The following ZFPM2 variants were observed in gnomAD, a reference collection of about 807,000 sequenced individuals.
ZFPM2 encodes the protein zinc finger protein ZFPM2.
A neutral mutation model predicts 98.6 loss-of-function variants in ZFPM2; 20 were observed. The observed-to-expected ratio is 0.20, with a 90% CI of 0.14 to 0.29. The LOEUF (loss-of-function observed/expected upper bound fraction) is 0.29. Among genes scored for constraint, ZFPM2 ranks in the 10% least tolerant of loss-of-function variants. The probability of loss-of-function intolerance (pLI) is 1.00; values close to 1 mark genes in which losing one functional copy is unlikely to be tolerated. For missense variants in ZFPM2, 1,310 were observed against 1,388.6 expected (o/e 0.94, Z 0.90); for synonymous variants, 518 against 502.7 (o/e 1.03, Z -0.41).
chr8:105,697,514 A>AGT (rs1563526154), intron 5 of ZFPM2, among the ~76,000 whole-genome samples: 1 of 152,192 alleles, frequency 6.6e-6, no homozygotes, highest in South Asian at 2.1e-4. Context: ...AGCATCAAGA[A>AGT]GTGTAGTAAT....
intron 3 of ZFPM2, among the ~76,000 whole-genome samples, chr8:105,488,026 G>A (rs1008937386): frequency 1.3e-5 from 2 of 151,650 alleles, no homozygotes; most frequent in African/African-American, 4.8e-5. Context: ...AGCATCCCAT[G>A]TACCTCTGCC....
intron 5 of ZFPM2, among the ~76,000 whole-genome samples, chr8:105,694,133 C>T (rs1385433608): frequency 6.6e-6 from 1 of 151,352 alleles, no homozygotes; most frequent in Non-Finnish European, 1.5e-5. Flanking sequence ...ACTACAGGCG[C>T]CTGTCACTAC....
intron 5 of ZFPM2, among the ~76,000 whole-genome samples, chr8:105,780,736 A>C (rs1813224744): frequency 6.6e-6 from 1 of 152,174 alleles, no homozygotes; most frequent in African/African-American, 2.4e-5. Context: ...ACAAAAAATT[A>C]GCCAGGTGTG....
chr8:105,719,166 C>G (rs1811596432), intron 5 of ZFPM2, among the ~76,000 whole-genome samples: 1 of 151,898 alleles, frequency 6.6e-6, no homozygotes, highest in Admixed American at 6.6e-5. Context: ...GGCTTACACA[C>G]TTGCCAAAGC....
At chr8:105,416,783 G>T in intron 1 of ZFPM2, among the ~76,000 whole-genome samples, 1 of 152,018 alleles carries the variant, frequency 6.6e-6, no homozygotes, top group South Asian at 2.1e-4. Flanking sequence ...CTTTGGGGAG[G>T]TGTCTAATAT....
At chr8:105,746,129 T>A (rs1317490783) in intron 5 of ZFPM2, among the ~76,000 whole-genome samples, 1 of 151,662 alleles carries the variant, frequency 6.6e-6, no homozygotes, top group Non-Finnish European at 1.5e-5. Flanking sequence ...ACTGAAAACA[T>A]CCTTTCTCCC....
chr8:105,463,031 T>G (rs1812731825), intron 3 of ZFPM2, among the ~76,000 whole-genome samples: 1 of 151,854 alleles, frequency 6.6e-6, no homozygotes, highest in Non-Finnish European at 1.5e-5. Context: ...AAATATAAAA[T>G]GGTGGAATAA....
At chr8:105,600,294 G>A (rs73309956) in intron 4 of ZFPM2, among the ~76,000 whole-genome samples, 4,076 of 152,010 alleles carry the variant, frequency 0.027, 161 homozygotes, top group African/African-American at 0.09. Flanking sequence ...TATTAATGAT[G>A]GATTTGGGAA....
At chr8:105,409,797 T>C (rs1326141280) in intron 1 of ZFPM2, among the ~76,000 whole-genome samples, 1 of 151,854 alleles carries the variant, frequency 6.6e-6, no homozygotes, top group African/African-American at 2.4e-5. Flanking sequence ...ACAGAGTTTC[T>C]GAAATCGGTA....
At chr8:105,346,394 A>AG (rs1317536018) in intron 1 of ZFPM2, among the ~76,000 whole-genome samples, 1 of 151,734 alleles carries the variant, frequency 6.6e-6, no homozygotes. Flanking sequence ...CAAAAAAAAA[A>AG]AAAAATAAAT....
intron 5 of ZFPM2, among the ~76,000 whole-genome samples, chr8:105,740,265 TAAAAG>T (rs1209013543): frequency 2.0e-5 from 3 of 151,684 alleles, no homozygotes; most frequent in South Asian, 4.2e-4. Flanking sequence ...GGTTAAAACA[TAAAAG>T]AAGAAGAGAG....
chr8:105,365,540 G>A (rs1257102060), intron 1 of ZFPM2, among the ~76,000 whole-genome samples: 3 of 152,018 alleles, frequency 2.0e-5, no homozygotes, highest in Admixed American at 6.6e-5. Flanking sequence ...TGAAATTTGC[G>A]GTTAAAAAGA....
intron 1 of ZFPM2, among the ~76,000 whole-genome samples, chr8:105,345,670 C>T (rs1156694872): frequency 6.6e-6 from 1 of 152,036 alleles, no homozygotes; most frequent in Non-Finnish European, 1.5e-5. Context: ...TCAGACACAG[C>T]TGTTCAGATC....
chr8:105,430,041 G>C (rs1036797406), intron 2 of ZFPM2, among the ~76,000 whole-genome samples: 4 of 152,144 alleles, frequency 2.6e-5, no homozygotes, highest in African/African-American at 9.7e-5. Flanking sequence ...ACTGGGTGTC[G>C]CTTCAGAATT....
intron 5 of ZFPM2, among the ~76,000 whole-genome samples, chr8:105,678,049 A>G (rs1810509773): frequency 1.3e-5 from 2 of 152,102 alleles, no homozygotes; most frequent in African/African-American, 4.8e-5. Flanking sequence ...TGGATTATTT[A>G]CCATTGACTG....
At chr8:105,757,053 T>C (rs1812617234) in intron 5 of ZFPM2, among the ~76,000 whole-genome samples, 1 of 152,308 alleles carries the variant, frequency 6.6e-6, no homozygotes, top group Admixed American at 6.5e-5. Context: ...CAGTATATTT[T>C]ACTTCCAGTA....
intron 4 of ZFPM2, among the ~76,000 whole-genome samples, chr8:105,628,010 G>C (rs1816690166): frequency 6.6e-6 from 1 of 152,276 alleles, no homozygotes; most frequent in Middle Eastern, 3.4e-3. Context: ...TTCAGTAAAT[G>C]CTTTTTTGTG....
intron 1 of ZFPM2, among the ~76,000 whole-genome samples, chr8:105,404,989 A>G (rs573231149): frequency 1.3e-5 from 2 of 152,212 alleles, no homozygotes; most frequent in East Asian, 3.9e-4. Context: ...TTCCCCCACA[A>G]TTTATTCATG....
rs1015382482 is a variant in ZFPM2 at position 105,803,682 on chromosome 8, T to C, written c.*144T>C. 7.8e-5 allele frequency: 59 copies of C among 761,228 alleles called. No homozygotes were observed. Among genetic ancestry groups the C allele is most frequent in the Non-Finnish European group, 1.1e-4 (54 of 475,652 alleles). 47.2% of individuals were successfully genotyped at this position (761,228 alleles called of 1,614,324 possible). A position where few individuals can be genotyped will look rare whatever the true frequency, so the allele number is the denominator to read the frequency against. On this transcript the variant is annotated 3_prime_UTR_variant, in exon 8 of 8. Coordinates refer to ENST00000407775, the MANE Select transcript of ZFPM2 (RefSeq NM_012082.4). The stretch of plus-strand genomic sequence containing the variant: ...CTGAGTTGAAGACTTAAGGTGTAAT[T>C]TCATTACAGTCCATTAGTAAAGTGT...
Sources: allele counts gnomAD v4.1 joint callset (sites outside exome capture counted in the v4.1 genomes callset), GRCh38; gene constraint gnomAD v4.1.1; transcripts MANE v1.5; gene names NCBI Gene and HGNC (gene_info 2026-07-23, HGNC 2026-07-21).